Variants in DOCK8 observed in about 807,000 individuals in gnomAD.
DOCK8 encodes the protein dedicator of cytokinesis 8.
In DOCK8, 141 loss-of-function variants were observed where a neutral mutation model predicts 245.6. That is an observed-to-expected ratio of 0.57 (90% CI 0.50 to 0.66). The LOEUF (loss-of-function observed/expected upper bound fraction) is 0.66, where lower values mean the gene tolerates loss of function less well. Among genes scored for constraint, DOCK8 ranks in the 30% least tolerant of loss-of-function variants. The pLI, the probability that DOCK8 is intolerant of heterozygous loss-of-function variation, is 0.00. For synonymous variants in DOCK8, 1,168 were observed against 970.2 expected (o/e 1.20, Z -3.79); for missense variants, 2,965 against 2,603.4 (o/e 1.14, Z -3.02).
At chr9:414,167 C>T (rs1219568770) in intron 28 of DOCK8, among the ~76,000 whole-genome samples, 1 of 151,224 alleles carries the variant, frequency 6.6e-6, no homozygotes, top group Non-Finnish European at 1.5e-5. Flanking sequence ...AGTTACCATA[C>T]AAGCCAGCAA....
intron 1 of DOCK8, among the ~76,000 whole-genome samples, chr9:270,862 A>G (rs1025464797): frequency 1.3e-5 from 2 of 152,224 alleles, no homozygotes; most frequent in Non-Finnish European, 2.9e-5. Context: ...AACCACCAAC[A>G]CAATGATGTA....
intron 1 of DOCK8, among the ~76,000 whole-genome samples, chr9:233,571 C>G (rs564263585): frequency 4.6e-5 from 7 of 151,738 alleles, no homozygotes; most frequent in African/African-American, 1.7e-4. Flanking sequence ...CTTTATGAAT[C>G]TGGGTGCTCC....
At chr9:216,927 C>T (rs1428761508) in intron 1 of DOCK8, among the ~76,000 whole-genome samples, 1 of 152,148 alleles carries the variant, frequency 6.6e-6, no homozygotes, top group African/African-American at 2.4e-5. Flanking sequence ...AATTGGCTCT[C>T]TGCTACAAAG....
intron 1 of DOCK8, among the ~76,000 whole-genome samples, chr9:237,446 G>A (rs937269199): frequency 6.6e-6 from 1 of 152,218 alleles, no homozygotes; most frequent in African/African-American, 2.4e-5. Context: ...CTTCAGCTCA[G>A]GAGTTCAAGA....
At position 334,329 on chromosome 9, in the gene DOCK8, C is replaced by G; in HGVS notation, c.1230C>G (p.Ser410Arg). The G allele has an allele frequency of 6.2e-7, 1 of 1,614,194 alleles. No individual in the cohort carries two copies. Among genetic ancestry groups the G allele is most frequent in the Non-Finnish European group, 8.5e-7 (1 of 1,180,030 alleles). ...PFAWAPISLS[S>R]FFNVSTLERE... ...CCTGGGCACCCATAAGCTTATCAAG[C>G]TTCTTCAATGTCTCCACCCTTGAGA... The change falls in exon 11 of 48, where the codon AGC becomes AGG. Residue 410 changes from serine (S) to arginine (R), a missense_variant. Ser to Arg is a moderately radical substitution (Grantham distance 110). Transcript: ENST00000432829.
intron 14 of DOCK8, among the ~76,000 whole-genome samples, chr9:345,444 C>T (rs551326406): frequency 2.6e-5 from 4 of 152,272 alleles, no homozygotes; most frequent in African/African-American, 9.6e-5. Context: ...CTGCAGAGCC[C>T]CCCTGGGTGG....
intron 1 of DOCK8, among the ~76,000 whole-genome samples, chr9:252,273 C>G (rs2047668651): frequency 6.6e-6 from 1 of 151,716 alleles, no homozygotes; most frequent in Non-Finnish European, 1.5e-5. Flanking sequence ...GTGCCCAGCC[C>G]CAAGGGAATT....
Position 328,155 on chromosome 9 carries a change from T to G in DOCK8, c.1028T>G (p.Ile343Ser). 6.2e-7 allele frequency: 1 copy of G among 1,614,070 alleles called. No individual in the cohort carries two copies. Among genetic ancestry groups the G allele is most frequent in the Non-Finnish European group, 8.5e-7 (1 of 1,179,956 alleles). ...TCAGTCACCTACCCGTCCTCAGACA[T>G]CTACCTGGTAGTCAAGGTAATTCAG... ...VFSVTYPSSD[I>S]YLVVKIEKVL... The change falls in exon 9 of 48, where the codon ATC becomes AGC. Residue 343 changes from isoleucine (I) to serine (S), a missense_variant. Physicochemically the swap from Ile to Ser is moderately radical, Grantham distance 142. Coordinates refer to ENST00000432829, the MANE Select transcript of DOCK8 (RefSeq NM_203447.4).
Position 420,441 on chromosome 9 carries a change from G to A in DOCK8, c.3881G>A (p.Arg1294His), listed in dbSNP as rs759725406. The change falls in exon 31 of 48, where the codon CGC (arginine) becomes CAC (histidine). Residue 1294 changes from arginine to histidine, a missense_variant. This residue lies in a region of DOCK8 where 2,825 missense variants were observed against 2,453.5 expected (regional missense o/e 1.15). Coordinates refer to ENST00000432829, the MANE Select transcript of DOCK8 (RefSeq NM_203447.4). Reference protein sequence around the residue: ...QYNMLNADTTRNLMICFLWIM... With the variant: ...QYNMLNADTTHNLMICFLWIM... ...AACATGCTGAACGCGGACACTACTC[G>A]CAACCTCATGATCTGCTTCCTCTGG... 8 of 1,614,040 alleles carry A rather than the reference G, an allele frequency of 5.0e-6. No individual in the cohort carries two copies. Among genetic ancestry groups the A allele is most frequent in the South Asian group, 2.2e-5 (2 of 91,082 alleles).
intron 4 of DOCK8, among the ~76,000 whole-genome samples, chr9:298,294 G>A (rs1391090577): frequency 6.6e-6 from 1 of 152,076 alleles, no homozygotes; most frequent in Non-Finnish European, 1.5e-5. Context: ...GTACGGTGGC[G>A]CATGCCTGTG....
chr9:256,765 G>A (rs2129703313), intron 1 of DOCK8, among the ~76,000 whole-genome samples: 1 of 150,738 alleles, frequency 6.6e-6, no homozygotes, highest in Non-Finnish European at 1.5e-5. Flanking sequence ...GAATGTGGCA[G>A]AAGCTCAGGC....
chr9:301,790 G>A (rs2049555980), intron 4 of DOCK8, among the ~76,000 whole-genome samples: 1 of 152,124 alleles, frequency 6.6e-6, no homozygotes, highest in Admixed American at 6.5e-5. Flanking sequence ...AGCTAATCAA[G>A]GAGGTGAAAG....
intron 2 of DOCK8, chr9:272,999 C>T (rs1563859033): frequency 1.0e-6 from 1 of 983,014 alleles, no homozygotes. Context: ...TTCGAAACCA[C>T]TTCTGCCTTA....
At chr9:403,929 T>C (rs1456674630) in intron 26 of DOCK8, among the ~76,000 whole-genome samples, 5 of 76,712 alleles carry the variant, frequency 6.5e-5, no homozygotes, top group African/African-American at 3.4e-4. Context: ...TATATATATA[T>C]GTGTATATAT....
At chr9:459,064 C>A (rs576297860) in intron 46 of DOCK8, among the ~76,000 whole-genome samples, 1 of 152,284 alleles carries the variant, frequency 6.6e-6, no homozygotes, top group Admixed American at 6.5e-5. Context: ...AATTTACCAA[C>A]AAAGGGAGCA....
At chr9:345,446 C>T (rs868118397) in intron 14 of DOCK8, among the ~76,000 whole-genome samples, 4 of 152,136 alleles carry the variant, frequency 2.6e-5, no homozygotes, top group African/African-American at 7.2e-5. Context: ...GCAGAGCCCC[C>T]CTGGGTGGAG....
At chr9:218,828 A>T (rs2046821293) in intron 1 of DOCK8, among the ~76,000 whole-genome samples, 1 of 152,226 alleles carries the variant, frequency 6.6e-6, no homozygotes, top group African/African-American at 2.4e-5. Context: ...ATAATGGCTT[A>T]CACTTCTAGA....
intron 1 of DOCK8, among the ~76,000 whole-genome samples, chr9:216,742 A>G (rs1212822397): frequency 2.0e-5 from 3 of 152,062 alleles, no homozygotes; most frequent in Non-Finnish European, 4.4e-5. Context: ...ATTTTAGATC[A>G]GGAAGTGTGA....
At position 247,998 on chromosome 9, in the gene DOCK8, A is replaced by G. The variant is rs150105499; in HGVS notation, c.54-23629A>G. Among the ~76,000 whole-genome samples the G allele has an allele frequency of 7.0e-3, 1,034 of 146,916 alleles. 13 individuals are homozygous for G. The highest frequency in any genetic ancestry group is 0.025 in the African/African-American group (999 of 40,034). ...TCTCTAAGTTAAAAAAAAAAAAAAGAAACAAAGTTGAGTAAACAAGCTGAG... is the reference window on the plus strand; with the variant it reads ...TCTCTAAGTTAAAAAAAAAAAAAAGGAACAAAGTTGAGTAAACAAGCTGAG... On this transcript the variant is annotated intron_variant, in intron 1 of 47. Coordinates refer to ENST00000432829, the MANE Select transcript of DOCK8 (RefSeq NM_203447.4).
Sources: allele counts gnomAD v4.1 joint callset (sites outside exome capture counted in the v4.1 genomes callset), GRCh38; gene constraint gnomAD v4.1.1; regional missense constraint gnomAD v4.1.1; transcripts MANE v1.5; gene names NCBI Gene and HGNC (gene_info 2026-07-23, HGNC 2026-07-21).